The following ST6GALNAC3 variants were observed in gnomAD, a reference collection of about 807,000 sequenced individuals.
ST6GALNAC3 encodes the protein ST6 N-acetylgalactosaminide alpha-2,6-sialyltransferase 3, also known as alpha-N-acetylgalactosaminide alpha-2,6-sialyltransferase 3.
Under a neutral mutation model 32.7 loss-of-function variants are expected in ST6GALNAC3, and 25 were observed. That is an observed-to-expected ratio of 0.76 (90% CI 0.56 to 1.07). The LOEUF (loss-of-function observed/expected upper bound fraction) is 1.07. Among genes scored for constraint, ST6GALNAC3 ranks in the 50% least tolerant of loss-of-function variants. The pLI, the probability that ST6GALNAC3 is intolerant of heterozygous loss-of-function variation, is 0.00. For missense variants in ST6GALNAC3, 355 were observed against 382.4 expected, an observed-to-expected ratio of 0.93 and a Z score of 0.60; for synonymous variants, 129 against 133.1, an observed-to-expected ratio of 0.97 and a Z score of 0.21.
intron 3 of ST6GALNAC3, among the ~76,000 whole-genome samples, chr1:76,595,039 GT>G (rs1647112662): frequency 6.6e-6 from 1 of 152,136 alleles, no homozygotes; most frequent in Admixed American, 6.5e-5. Flanking sequence ...AAGGAGAGCT[GT>G]TTTGCCAGGT....
At chr1:76,104,558 A>C (rs927119740) in intron 1 of ST6GALNAC3, among the ~76,000 whole-genome samples, 4 of 150,506 alleles carry the variant, frequency 2.7e-5, no homozygotes, top group Non-Finnish European at 4.4e-5. Flanking sequence ...TAGGCCCAGA[A>C]TGCCAGCTTC....
intron 1 of ST6GALNAC3, among the ~76,000 whole-genome samples, chr1:76,089,294 GC>G (rs1388473888): frequency 6.6e-6 from 1 of 152,068 alleles, no homozygotes; most frequent in Non-Finnish European, 1.5e-5. Context: ...CTCGTGATCT[GC>G]CCGCCTTGGC....
chr1:76,191,092 T>G (rs935315926), intron 1 of ST6GALNAC3, among the ~76,000 whole-genome samples: 1 of 152,120 alleles, frequency 6.6e-6, no homozygotes, highest in East Asian at 1.9e-4. Flanking sequence ...GGGGAATACC[T>G]TTTTAGGAAG....
intron 3 of ST6GALNAC3, among the ~76,000 whole-genome samples, chr1:76,486,841 CA>C (rs1660153036): frequency 6.6e-6 from 1 of 152,198 alleles, no homozygotes; most frequent in Admixed American, 6.5e-5. Flanking sequence ...TACAATTTGG[CA>C]TGTTTCTGCA....
intron 3 of ST6GALNAC3, among the ~76,000 whole-genome samples, chr1:76,577,784 G>A (rs1262184625): frequency 1.3e-5 from 2 of 151,976 alleles, no homozygotes; most frequent in Non-Finnish European, 2.9e-5. Context: ...TGGGAGGGTA[G>A]CTTTATCATT....
intron 2 of ST6GALNAC3, among the ~76,000 whole-genome samples, chr1:76,389,620 A>G (rs1436196544): frequency 6.6e-6 from 1 of 152,254 alleles, no homozygotes; most frequent in Non-Finnish European, 1.5e-5. Context: ...TACCACAAAT[A>G]TGTTTTTAAT....
intron 1 of ST6GALNAC3, among the ~76,000 whole-genome samples, chr1:76,285,376 C>G (rs967783964): frequency 1.4e-4 from 11 of 77,704 alleles, no homozygotes; most frequent in Non-Finnish European, 2.9e-4. Context: ...GGCCCCTGGT[C>G]GGGAGGATGG....
chr1:76,161,390 C>A (rs529829342), intron 1 of ST6GALNAC3, among the ~76,000 whole-genome samples: 1 of 152,188 alleles, frequency 6.6e-6, no homozygotes, highest in East Asian at 1.9e-4. Flanking sequence ...AACTGGTAAG[C>A]GGCAGAGAGC....
At chr1:76,565,471 T>C (rs1321346167) in intron 3 of ST6GALNAC3, among the ~76,000 whole-genome samples, 1 of 152,070 alleles carries the variant, frequency 6.6e-6, no homozygotes, top group Non-Finnish European at 1.5e-5. Context: ...CTCTGGAAAA[T>C]AGCAGGTCCT....
At chr1:76,353,265 T>C (rs1649149576) in intron 2 of ST6GALNAC3, among the ~76,000 whole-genome samples, 1 of 152,178 alleles carries the variant, frequency 6.6e-6, no homozygotes, top group East Asian at 1.9e-4. Context: ...CCTCTCCCTG[T>C]ACGTTCTTCG....
chr1:76,397,726 C>A (rs1315655080), intron 2 of ST6GALNAC3, among the ~76,000 whole-genome samples: 2 of 152,028 alleles, frequency 1.3e-5, no homozygotes, highest in South Asian at 2.1e-4. Flanking sequence ...AGTTTTTTCC[C>A]ATGTATTTGC....
chr1:76,520,183 T>C (rs1662425345), intron 3 of ST6GALNAC3, among the ~76,000 whole-genome samples: 1 of 152,088 alleles, frequency 6.6e-6, no homozygotes. Context: ...GTATTGATAG[T>C]GTCATCTTAT....
At chr1:76,299,148 T>C (rs73002408) in intron 1 of ST6GALNAC3, among the ~76,000 whole-genome samples, 211 of 152,180 alleles carry the variant, frequency 1.4e-3, no homozygotes, top group African/African-American at 4.7e-3. Flanking sequence ...TTTAAGTGAA[T>C]GTAAATTATG....
At chr1:76,256,346 A>C (rs768442244) in intron 1 of ST6GALNAC3, among the ~76,000 whole-genome samples, 1 of 152,168 alleles carries the variant, frequency 6.6e-6, no homozygotes, top group Non-Finnish European at 1.5e-5. Context: ...CAAGGTATTT[A>C]GAATTTTTCT....
At chr1:76,608,516 A>G (rs1328730653) in intron 3 of ST6GALNAC3, among the ~76,000 whole-genome samples, 4 of 151,924 alleles carry the variant, frequency 2.6e-5, no homozygotes, top group African/African-American at 9.7e-5. Context: ...AGGGCATTTG[A>G]TACTTGATAT....
intron 2 of ST6GALNAC3, among the ~76,000 whole-genome samples, chr1:76,390,896 C>T (rs1652478992): frequency 7.4e-6 from 1 of 134,512 alleles, no homozygotes; most frequent in East Asian, 2.0e-4. Context: ...TATTTATGCT[C>T]CTCAAATCAT....
rs59269306 is a variant in ST6GALNAC3 at position 76,174,663 on chromosome 1, C to CTT, written c.18+99790_18+99791dup. Among the ~76,000 whole-genome samples, 590 of 139,684 alleles carry CTT rather than the reference C, an allele frequency of 4.2e-3. 1 individual carries two copies. Among genetic ancestry groups the CTT allele is most frequent in the Middle Eastern group, 7.5e-3 (2 of 266 alleles). The allele number at this position is 139,684 out of a possible 152,430, so 91.6% of individuals were successfully genotyped here. A position where few individuals can be genotyped will look rare whatever the true frequency, so the allele number is the denominator to read the frequency against. On this transcript the variant is annotated intron_variant, in intron 1 of 4. Transcript: ENST00000328299. ...ATTTCTTCTCTTTTCTTTTTCTTTTCTTTTTTTTTTTTCTTTTTTTTGAGA... is the reference window on the plus strand; with the variant it reads ...ATTTCTTCTCTTTTCTTTTTCTTTTCTTTTTTTTTTTTTTCTTTTTTTTGAGA...
At position 76,136,928 on chromosome 1, in the gene ST6GALNAC3, T is replaced by C. The variant is rs1454252810; in HGVS notation, c.18+62044T>C. Among the ~76,000 whole-genome samples the C allele has an allele frequency of 2.0e-5, 3 of 152,310 alleles. No individual in the cohort carries two copies. In the East Asian group the frequency reaches 5.8e-4, roughly 29 times the overall value. ...ACATCATTCATCCAGTGTCAGTCAA[T>C]CCTAGGTGCTTGAAAAACATCTCAT... is the stretch of plus-strand genomic sequence containing the variant. On this transcript the variant is annotated intron_variant, in intron 1 of 4. Coordinates refer to ENST00000328299, the MANE Select transcript of ST6GALNAC3 (RefSeq NM_152996.4).
intron 1 of ST6GALNAC3, among the ~76,000 whole-genome samples, chr1:76,251,211 C>A (rs1459202426): frequency 1.3e-5 from 2 of 152,108 alleles, no homozygotes; most frequent in East Asian, 3.9e-4. Context: ...TAGTTTTAGT[C>A]CATTTACGTG....
Sources: gnomAD v4.1 joint callset for allele counts (sites outside exome capture counted in the v4.1 genomes callset) on GRCh38, gnomAD v4.1.1 for gene constraint, MANE v1.5 for transcripts, NCBI Gene and HGNC (gene_info 2026-07-23, HGNC 2026-07-21) for gene names.